Variants in PTPRD observed in about 807,000 individuals in gnomAD.
PTPRD encodes the protein receptor-type tyrosine-protein phosphatase delta.
PTPRD carries 34 observed loss-of-function variants against 214.5 expected under a neutral mutation model. The ratio of observed to expected loss-of-function variants is 0.16; its 90% CI spans 0.12 to 0.21. The LOEUF is 0.21. PTPRD is among the 10% of genes least tolerant of loss of function. The pLI is 1.00. For synonymous variants in PTPRD, 1,128 were observed against 845.7 expected (o/e 1.33, Z -5.79); for missense variants, 2,545 against 2,398.7 (o/e 1.06, Z -1.27).
intron 3 of PTPRD, among the ~76,000 whole-genome samples, chr9:10,098,622 G>C (rs1198653174): frequency 6.6e-6 from 1 of 151,776 alleles, no homozygotes; most frequent in Non-Finnish European, 1.5e-5. Context: ...GACTAGCAGA[G>C]TAAAAGAGCA....
intron 2 of PTPRD, among the ~76,000 whole-genome samples, chr9:10,506,085 T>C (rs909845342): frequency 1.3e-5 from 2 of 152,122 alleles, no homozygotes; most frequent in Admixed American, 6.6e-5. Flanking sequence ...AGGTTATTGA[T>C]TGCAAGTGGC....
intron 4 of PTPRD, among the ~76,000 whole-genome samples, chr9:9,968,835 A>G (rs1219205514): frequency 6.6e-6 from 1 of 152,194 alleles, no homozygotes; most frequent in African/African-American, 2.4e-5. Flanking sequence ...AGAAAACTTA[A>G]TGAAAAAGAA....
In PTPRD at chr9:8,315,807, C is replaced by T. The variant is rs754729325; in HGVS notation, c.*2067G>A. 6 of 227,032 alleles carry T rather than the reference C, an allele frequency of 2.6e-5. No homozygotes were observed. The highest frequency in any genetic ancestry group is 2.2e-5 in the African/African-American group (1 of 44,926). 14.1% of individuals were successfully genotyped at this position (227,032 alleles called of 1,614,324 possible). A position where few individuals can be genotyped will look rare whatever the true frequency, so the allele number is the denominator to read the frequency against. The stretch of plus-strand genomic sequence containing the variant: ...GCTAAAATTAAACCAAAGTAGTATA[C>T]TCATACCAAAACTCTTTAAGAGTTC... On this transcript the variant is annotated 3_prime_UTR_variant, in exon 46 of 46. Transcript: ENST00000381196.
chr9:9,176,980 T>G (rs1414351776), intron 10 of PTPRD, among the ~76,000 whole-genome samples: 1 of 152,110 alleles, frequency 6.6e-6, no homozygotes, highest in African/African-American at 2.4e-5. Context: ...ATCTTAGTAG[T>G]TTTTTCTGTC....
chr9:8,936,970 T>C (rs2043399), intron 11 of PTPRD, among the ~76,000 whole-genome samples: 6,876 of 152,270 alleles, frequency 0.045, 378 homozygotes, highest in East Asian at 0.18. Flanking sequence ...GAGCACTTTT[T>C]TGGTTTATTT....
intron 37 of PTPRD, among the ~76,000 whole-genome samples, chr9:8,379,101 A>G (rs1004100999): frequency 6.6e-6 from 1 of 152,180 alleles, no homozygotes; most frequent in Non-Finnish European, 1.5e-5. Context: ...GTATTTACCA[A>G]AAGAAAAATA....
intron 2 of PTPRD, among the ~76,000 whole-genome samples, chr9:10,505,445 T>G (rs943000340): frequency 6.6e-6 from 1 of 152,184 alleles, no homozygotes; most frequent in East Asian, 1.9e-4. Flanking sequence ...AATTGTGTTC[T>G]CAAAGAATAG....
intron 2 of PTPRD, among the ~76,000 whole-genome samples, chr9:10,578,586 A>G (rs912005958): frequency 6.6e-6 from 1 of 152,190 alleles, no homozygotes. Context: ...TACAAATAAA[A>G]AAGATTGACC....
At chr9:9,750,554 G>C (rs970387791) in intron 6 of PTPRD, among the ~76,000 whole-genome samples, 1 of 152,070 alleles carries the variant, frequency 6.6e-6, no homozygotes, top group African/African-American at 2.4e-5. Flanking sequence ...TTAAAGCAAA[G>C]GGTGAGCCCA....
At chr9:9,096,547 T>C (rs1323056387) in intron 10 of PTPRD, among the ~76,000 whole-genome samples, 2 of 152,204 alleles carry the variant, frequency 1.3e-5, no homozygotes, top group Non-Finnish European at 2.9e-5. Context: ...AAGATATAGA[T>C]TATATTTTCC....
At chr9:8,896,678 G>C (rs1243374031) in intron 11 of PTPRD, among the ~76,000 whole-genome samples, 1 of 152,178 alleles carries the variant, frequency 6.6e-6, no homozygotes, top group African/African-American at 2.4e-5. Context: ...GACTTGAATA[G>C]TTTCAGGTTT....
chr9:9,597,343 G>A (rs1217845800), intron 7 of PTPRD, among the ~76,000 whole-genome samples: 1 of 151,916 alleles, frequency 6.6e-6, no homozygotes, highest in Non-Finnish European at 1.5e-5. Flanking sequence ...TACACTGAAT[G>A]GAAGACAACT....
At chr9:9,776,828 A>G (rs1027828791) in intron 5 of PTPRD, among the ~76,000 whole-genome samples, 1 of 152,200 alleles carries the variant, frequency 6.6e-6, no homozygotes, top group African/African-American at 2.4e-5. Context: ...GCTCACTTCC[A>G]CTTCATAGCA....
chr9:8,321,487 G>GTATA (rs750825729), intron 44 of PTPRD, among the ~76,000 whole-genome samples: 1,322 of 44,230 alleles, frequency 0.03, 25 homozygotes, highest in Non-Finnish European at 0.04. Context: ...GTGTGTGTGT[G>GTATA]TATATATATA....
intron 5 of PTPRD, among the ~76,000 whole-genome samples, chr9:9,880,849 T>C (rs1182234094): frequency 6.6e-6 from 1 of 152,182 alleles, no homozygotes; most frequent in African/African-American, 2.4e-5. Flanking sequence ...GCTGGTCATT[T>C]ATTTTTTTTT....
At chr9:9,418,558 C>T (rs1214745399) in intron 8 of PTPRD, among the ~76,000 whole-genome samples, 4 of 151,960 alleles carry the variant, frequency 2.6e-5, no homozygotes, top group Non-Finnish European at 5.9e-5. Context: ...CTAGCTATTT[C>T]GTATCTCAAT....
Position 10,526,082 on chromosome 9 carries a change from G to T in PTPRD, c.-600+86316C>A, listed in dbSNP as rs182421619. ...GTGTTGTATTAAGCAGTGAAGATTA[G>T]AACATTCCTGCTGTCATAGAAAGTT... On this transcript the variant is annotated intron_variant, in intron 2 of 45. Coordinates refer to ENST00000381196, the MANE Select transcript of PTPRD (RefSeq NM_002839.4). Among the ~76,000 whole-genome samples the T allele has an allele frequency of 6.6e-5, 10 of 152,184 alleles. No individual in the cohort carries two copies. In the East Asian group the frequency reaches 1.7e-3, roughly 26 times the overall value.
chr9:9,431,908 TG>T (rs1197177172), intron 8 of PTPRD, among the ~76,000 whole-genome samples: 2 of 45,702 alleles, frequency 4.4e-5, no homozygotes, highest in Admixed American at 7.6e-4. Flanking sequence ...TGTTGTGGGG[TG>T]GGGGGAGGGG....
rs1595686807 is a variant in PTPRD at position 9,317,105 on chromosome 9, T to C, written c.-203+80344A>G. Among the ~76,000 whole-genome samples, 4 of 152,336 alleles carry C rather than the reference T, an allele frequency of 2.6e-5. No homozygotes were observed. The South Asian group carries it at 6.2e-4, about 24-fold the overall frequency. ...TTATTTTCTATCACAATATTTTCAA[T>C]GTTTTACTTTCTACTGGTTCATTTC... On this transcript the variant is annotated intron_variant, in intron 9 of 45. Transcript: ENST00000381196.
Sources: allele counts gnomAD v4.1 joint callset (sites outside exome capture counted in the v4.1 genomes callset), GRCh38; gene constraint gnomAD v4.1.1; transcripts MANE v1.5; gene names NCBI Gene and HGNC (gene_info 2026-07-23, HGNC 2026-07-21).